The following GALNT14 variants were observed in gnomAD, a reference collection of about 807,000 sequenced individuals.
GALNT14 encodes the protein UDP-GalNAc:polypeptide N-acetylgalactosaminyltransferase 14.
GALNT14 carries 60 observed loss-of-function variants against 77.5 expected under a neutral mutation model. The observed-to-expected ratio is 0.77, with a 90% CI of 0.63 to 0.96. The LOEUF is 0.96. Ranked by LOEUF, GALNT14 falls within the 40% of genes least tolerant of loss-of-function variation. The pLI, the probability that GALNT14 is intolerant of heterozygous loss-of-function variation, is 0.00. For synonymous variants in GALNT14, 280 were observed against 281.7 expected (o/e 0.99, Z 0.06); for missense variants, 710 against 731.0 (o/e 0.97, Z 0.33).
chr2:31,050,251 C>T (rs1054037076), intron 1 of GALNT14, among the ~76,000 whole-genome samples: 1 of 152,192 alleles, frequency 6.6e-6, no homozygotes, highest in Non-Finnish European at 1.5e-5. Flanking sequence ...TTAACTAATG[C>T]CTTTCTGTTT....
chr2:31,042,727 AGTATCT>A (rs1202927151), intron 1 of GALNT14, among the ~76,000 whole-genome samples: 1 of 152,192 alleles, frequency 6.6e-6, no homozygotes, highest in Non-Finnish European at 1.5e-5. Context: ...AAGCATATCC[AGTATCT>A]GACTCTTCTC....
At chr2:30,941,796 C>T (rs999906491) in intron 9 of GALNT14, among the ~76,000 whole-genome samples, 1 of 152,222 alleles carries the variant, frequency 6.6e-6, no homozygotes, top group Non-Finnish European at 1.5e-5. Flanking sequence ...TCCTGTTCCT[C>T]ATTCTTTCTC....
intron 8 of GALNT14, among the ~76,000 whole-genome samples, chr2:30,943,263 AG>A (rs1272603867): frequency 6.6e-6 from 1 of 152,168 alleles, no homozygotes; most frequent in Non-Finnish European, 1.5e-5. Context: ...GAGAGATGCC[AG>A]AGAAATGCCT....
chr2:31,038,084 A>ATTTTTTTT (rs1196402402), intron 1 of GALNT14, among the ~76,000 whole-genome samples: 6 of 52,650 alleles, frequency 1.1e-4, no homozygotes, highest in Admixed American at 2.8e-4. Context: ...ATATATATAT[A>ATTTTTTTT]TTTTTTTTTT....
chr2:31,134,453 A>T (rs1162326644), intron 1 of GALNT14, among the ~76,000 whole-genome samples: 1 of 152,162 alleles, frequency 6.6e-6, no homozygotes, highest in East Asian at 1.9e-4. Flanking sequence ...TCAAAAACCA[A>T]CTTTTTTCCC....
rs1318992029 is a variant in GALNT14 at position 30,944,917 on chromosome 2, C to A, written c.768G>T (p.Gln256His). ...RGGFDWSLHF[Q>H]WEQLSPEQKA... ...TCTGCTCTGGGGAGAGCTGCTCCCA[C>A]TGGAAGTGGAGGCTCCAGTCAAACC... The change falls in exon 8 of 15, where the codon CAG becomes CAT. Residue 256 changes from glutamine (Q) to histidine (H), a missense_variant. Coordinates refer to ENST00000349752, the MANE Select transcript of GALNT14 (RefSeq NM_024572.4). 3.7e-6 allele frequency: 6 copies of A among 1,610,762 alleles called. No homozygotes were observed. The highest frequency in any genetic ancestry group is 4.2e-6 in the Non-Finnish European group (5 of 1,177,880).
chr2:30,955,753 C>A lies in GALNT14; in HGVS notation c.533-14G>T. ...ACCGGACCAGACCTGCAGTCAGGAA[C>A]AAATGACGAAGTGGGTGCCACTGTC... is the stretch of plus-strand genomic sequence containing the variant. On this transcript the variant is annotated splice_polypyrimidine_tract_variant and intron_variant, in intron 5 of 14. Transcript: ENST00000349752. 1 of 1,613,824 alleles carries A rather than the reference C, an allele frequency of 6.2e-7. No individual in the cohort carries two copies. Among genetic ancestry groups the A allele is most frequent in the Non-Finnish European group, 8.5e-7 (1 of 1,179,916 alleles).
Position 30,944,930 on chromosome 2 carries a change from C to T in GALNT14, c.755G>A (p.Ser252Asn). Residue 252 changes from serine (S) to asparagine (N), a missense_variant, in exon 8 of 15, where the codon AGC becomes AAC. By Grantham distance (46) the Ser-to-Asn change is conservative. Transcript: ENST00000349752. ...ASELRGGFDW[S>N]LHFQWEQLSP... ...GAGCTGCTCCCACTGGAAGTGGAGG[C>T]TCCAGTCAAACCCTACAACACAGCA... 6.2e-7 allele frequency: 1 copy of T among 1,610,114 alleles called. No homozygotes were observed. The highest frequency in any genetic ancestry group is 8.5e-7 in the Non-Finnish European group (1 of 1,177,374).
intron 1 of GALNT14, among the ~76,000 whole-genome samples, chr2:31,089,536 A>AT (rs200952688): frequency 1.9e-3 from 290 of 151,180 alleles, no homozygotes; most frequent in African/African-American, 4.8e-3. Flanking sequence ...GTTTGGATTT[A>AT]TTTTTTTTTC....
chr2:30,955,743 C>T lies in GALNT14; in HGVS notation c.533-4G>A. The T allele has an allele frequency of 6.2e-7, 1 of 1,613,962 alleles. No homozygotes were observed. On this transcript the variant is annotated splice_polypyrimidine_tract_variant and splice_region_variant and intron_variant, in intron 5 of 14. Transcript: ENST00000349752. ...CGAATCCGGGACCGGACCAGACCTG[C>T]AGTCAGGAACAAATGACGAAGTGGG...
chr2:31,010,657 C>A (rs894751311), intron 1 of GALNT14, among the ~76,000 whole-genome samples: 2 of 152,100 alleles, frequency 1.3e-5, no homozygotes, highest in African/African-American at 4.8e-5. Context: ...GGCTCAGAAT[C>A]CCTCCAGCGG....
chr2:30,911,427 G>C (rs368000507), intron 14 of GALNT14, among the ~76,000 whole-genome samples: 1 of 152,118 alleles, frequency 6.6e-6, no homozygotes, highest in African/African-American at 2.4e-5. Context: ...TGGGAGCAGC[G>C]AGTGTGATGG....
At chr2:31,106,523 C>G (rs1056845903) in intron 1 of GALNT14, among the ~76,000 whole-genome samples, 1 of 152,146 alleles carries the variant, frequency 6.6e-6, no homozygotes, top group Non-Finnish European at 1.5e-5. Context: ...GACCAATTTG[C>G]CTTTTTTTCT....
intron 1 of GALNT14, among the ~76,000 whole-genome samples, chr2:31,001,578 A>G (rs1670371452): frequency 6.6e-6 from 1 of 152,186 alleles, no homozygotes; most frequent in Admixed American, 6.5e-5. Context: ...AACATCTCCA[A>G]TTTAGGACCC....
intron 7 of GALNT14, 119 bp from the exon 8 acceptor site, chr2:30,945,061 G>A (rs942830149): frequency 2.6e-5 from 20 of 779,428 alleles, no homozygotes; most frequent in South Asian, 6.4e-5. Context: ...CAAAGAGGCC[G>A]GTCCCTGGGA....
chr2:30,923,927 T>C (rs576639741), intron 13 of GALNT14, among the ~76,000 whole-genome samples, 192 bp downstream of exon 13: 5 of 152,288 alleles, frequency 3.3e-5, no homozygotes, highest in African/African-American at 1.2e-4. Context: ...AGAGGAACTC[T>C]ATGCACTTGG....
chr2:30,952,588 T>G (rs1430540531), intron 6 of GALNT14, among the ~76,000 whole-genome samples: 1 of 126,244 alleles, frequency 7.9e-6, no homozygotes, highest in Admixed American at 9.4e-5. Flanking sequence ...GGAAGGGGAA[T>G]ATCACACTCT....
chr2:30,978,934 A>C (rs1019886202), intron 2 of GALNT14, among the ~76,000 whole-genome samples: 1 of 152,206 alleles, frequency 6.6e-6, no homozygotes, highest in Non-Finnish European at 1.5e-5. Flanking sequence ...CTGAGGGGCA[A>C]GCGGTCTTCC....
Position 30,911,012 on chromosome 2 carries a change from G to C in GALNT14, c.1548C>G (p.Leu516=). The change falls in exon 15 of 15, where the codon CTC becomes CTG. Residue 516 remains leucine, a synonymous_variant. Transcript: ENST00000349752. ...GSHIEHIASH[L]CLDTDMFGDG... is the part of the protein sequence containing the mutation. ...CACCGAACATATCTGTATCGAGGCA[G>C]AGGTGGGATGCTATGTGCTCGATGT... 1 of 1,614,088 alleles carries C rather than the reference G, an allele frequency of 6.2e-7. No homozygotes were observed. The highest frequency in any genetic ancestry group is 8.5e-7 in the Non-Finnish European group (1 of 1,180,024).
Sources: allele counts gnomAD v4.1 joint callset (sites outside exome capture counted in the v4.1 genomes callset), GRCh38; gene constraint gnomAD v4.1.1; transcripts MANE v1.5; gene names NCBI Gene and HGNC (gene_info 2026-07-23, HGNC 2026-07-21).